The following PKP2 variants were observed in gnomAD, a reference collection of about 807,000 sequenced individuals.
The protein encoded by PKP2 is plakophilin 2, also known as plakophilin-2.
A neutral mutation model predicts 83.4 loss-of-function variants in PKP2; 73 were observed. That is an observed-to-expected ratio of 0.88 (90% CI 0.72 to 1.06). The LOEUF (loss-of-function observed/expected upper bound fraction) is 1.06. Ranked by LOEUF, PKP2 falls within the 50% of genes least tolerant of loss-of-function variation. PKP2 has a pLI of 0.00. For synonymous variants in PKP2, 409 were observed against 430.4 expected, an observed-to-expected ratio of 0.95 and a Z score of 0.62; for missense variants, 966 against 1,065.4, an observed-to-expected ratio of 0.91 and a Z score of 1.30.
chr12:32,878,861 T>A, intron 2 of PKP2, 59 bp downstream of exon 2: 1 of 937,452 alleles, frequency 1.1e-6, no homozygotes, highest in Admixed American at 1.7e-5. Context: ...CTTAGGAAGT[T>A]TGAAAATATT....
intron 5 of PKP2, among the ~76,000 whole-genome samples, chr12:32,846,864 C>T (rs935300604): frequency 2.6e-5 from 4 of 151,468 alleles, no homozygotes; most frequent in Non-Finnish European, 4.4e-5. Flanking sequence ...TGAGTCATCA[C>T]GTGCCTCAAA....
In PKP2 at chr12:32,792,402, C is replaced by A. The variant is rs371003054; in HGVS notation, c.*22G>T. The A allele has an allele frequency of 1.9e-6, 3 of 1,592,882 alleles. No individual in the cohort carries two copies. Among genetic ancestry groups the A allele is most frequent in the South Asian group, 2.2e-5 (2 of 90,646 alleles). ...GTTTTCCTTTGGGGATTTTTGCAGC[C>A]GAGAATACTTTGTCATTTTCCTCAG... On this transcript the variant is annotated 3_prime_UTR_variant, in exon 13 of 13. Transcript: ENST00000340811.
chr12:32,896,444 G>T, intron 1 of PKP2, 65 bp downstream of exon 1: 1 of 1,244,498 alleles, frequency 8.0e-7, no homozygotes, highest in Non-Finnish European at 1.1e-6. Flanking sequence ...GGTGAGGGCG[G>T]GATAGGAGGA....
chr12:32,841,997 A>G (rs1338720150), intron 5 of PKP2, among the ~76,000 whole-genome samples: 2 of 152,366 alleles, frequency 1.3e-5, no homozygotes, highest in East Asian at 3.9e-4. Context: ...TTAAAGAGAA[A>G]GACCATATAG....
chr12:32,835,187 G>A (rs990309633), intron 6 of PKP2, among the ~76,000 whole-genome samples: 2 of 151,574 alleles, frequency 1.3e-5, no homozygotes, highest in South Asian at 2.1e-4. Context: ...CCGAGTAGCC[G>A]GGATTACAGG....
intron 6 of PKP2, among the ~76,000 whole-genome samples, chr12:32,834,205 G>GA (rs1318721295): frequency 6.6e-6 from 1 of 152,092 alleles, no homozygotes; most frequent in African/African-American, 2.4e-5. Context: ...TTTCCTCCAC[G>GA]AAACCCAGAG....
intron 4 of PKP2, among the ~76,000 whole-genome samples, chr12:32,855,794 A>AAAAAAAAG (rs1459718298): frequency 6.7e-5 from 10 of 148,388 alleles, no homozygotes; most frequent in African/African-American, 2.6e-4. Flanking sequence ...AAAAAAAAAA[A>AAAAAAAAG]AGGAAGAAAA....
At chr12:32,885,423 G>A (rs1175278894) in intron 1 of PKP2, among the ~76,000 whole-genome samples, 1 of 152,212 alleles carries the variant, frequency 6.6e-6, no homozygotes, top group Non-Finnish European at 1.5e-5. Flanking sequence ...GGAGGCCAAG[G>A]TGGGCAGATC....
intron 5 of PKP2, 99 bp from the exon 6 acceptor site, chr12:32,841,304 G>A (rs550951041): frequency 1.0e-6 from 1 of 990,228 alleles, no homozygotes; most frequent in South Asian, 1.3e-5. Context: ...GCTATGACTA[G>A]TCATAAAAAA....
intron 6 of PKP2, among the ~76,000 whole-genome samples, chr12:32,832,316 T>A (rs1055215388): frequency 5.9e-5 from 9 of 152,000 alleles, no homozygotes; most frequent in African/African-American, 2.2e-4. Flanking sequence ...AAGCGGAGGT[T>A]GCAGTGAGCC....
intron 4 of PKP2, chr12:32,863,056 T>C (rs1956815373): frequency 6.5e-6 from 1 of 153,954 alleles, no homozygotes; most frequent in Non-Finnish European, 1.4e-5. Flanking sequence ...TTGGATCCTG[T>C]GGAGACCGGC....
Position 32,846,613 on chromosome 12 carries a change from C to T in PKP2, c.1378+4153G>A, listed in dbSNP as rs183265574. Among the ~76,000 whole-genome samples the T allele has an allele frequency of 8.7e-3, 1,327 of 152,032 alleles. 4 individuals carry two copies. Among genetic ancestry groups the T allele is most frequent in the Middle Eastern group, 0.024 (7 of 294 alleles). On this transcript the variant is annotated intron_variant, in intron 5 of 12. Coordinates refer to ENST00000340811, the MANE Select transcript of PKP2 (RefSeq NM_001005242.3). Reference sequence around the variant, plus strand: ...ATACAAAATTAGCCAGGCATAGTGGCGCATGCCTGTAATCCCAGCTACTTG... The same window carrying T: ...ATACAAAATTAGCCAGGCATAGTGGTGCATGCCTGTAATCCCAGCTACTTG...
At chr12:32,890,697 G>T (rs541985965) in intron 1 of PKP2, among the ~76,000 whole-genome samples, 1 of 152,024 alleles carries the variant, frequency 6.6e-6, no homozygotes, top group Non-Finnish European at 1.5e-5. Flanking sequence ...GGTGGCTCAC[G>T]CCTGAGATCC....
intron 3 of PKP2, among the ~76,000 whole-genome samples, chr12:32,873,843 T>C (rs1163421200): frequency 6.6e-6 from 1 of 152,236 alleles, no homozygotes; most frequent in Admixed American, 6.5e-5. Context: ...TTTCATCTTT[T>C]GTGATGCTTA....
At chr12:32,871,973 C>T (rs1165290957) in intron 3 of PKP2, among the ~76,000 whole-genome samples, 1 of 152,118 alleles carries the variant, frequency 6.6e-6, no homozygotes, top group South Asian at 2.1e-4. Context: ...TCTCTGTCTT[C>T]CTCCCTCCTT....
intron 8 of PKP2, 101 bp from the exon 9 acceptor site, chr12:32,821,630 A>C: frequency 1.8e-6 from 2 of 1,133,982 alleles, no homozygotes; most frequent in Non-Finnish European, 2.6e-6. Context: ...AGAAAGGCTC[A>C]TAATTTGCAT....
At chr12:32,889,507 GTA>G (rs1957058962) in intron 1 of PKP2, among the ~76,000 whole-genome samples, 1 of 152,192 alleles carries the variant, frequency 6.6e-6, no homozygotes, top group African/African-American at 2.4e-5. Context: ...GCACAGTCTT[GTA>G]TCAGTACTTG....
chr12:32,812,789 C>G (rs1236230842), intron 9 of PKP2, among the ~76,000 whole-genome samples: 1 of 152,206 alleles, frequency 6.6e-6, no homozygotes, highest in African/African-American at 2.4e-5. Flanking sequence ...CAGGCGTGAG[C>G]CACCGTGCCT....
intron 5 of PKP2, among the ~76,000 whole-genome samples, chr12:32,842,155 T>A (rs1005253936): frequency 6.6e-6 from 1 of 152,190 alleles, no homozygotes; most frequent in African/African-American, 2.4e-5. Flanking sequence ...GGAGCTCGAA[T>A]CCTTCTGATT....
Sources: allele counts gnomAD v4.1 joint callset (sites outside exome capture counted in the v4.1 genomes callset), GRCh38; gene constraint gnomAD v4.1.1; transcripts MANE v1.5; gene names NCBI Gene and HGNC (gene_info 2026-07-23, HGNC 2026-07-21).